CREM: variants seen among roughly 807,000 people sequenced by gnomAD.
CREM encodes the protein cAMP responsive element modulator.
In CREM, 13 loss-of-function variants were observed where a neutral mutation model predicts 37.3. The ratio of observed to expected loss-of-function variants is 0.35; its 90% CI spans 0.23 to 0.55. The LOEUF is 0.55. Among genes scored for constraint, CREM ranks in the 20% least tolerant of loss-of-function variants. CREM has a pLI of 0.88. For missense variants in CREM, 296 were observed against 362.3 expected (o/e 0.82, Z 1.49); for synonymous variants, 124 against 120.2 (o/e 1.03, Z -0.21).
chr10:35,140,357 G>C (rs2091253608), intron 2 of CREM, among the ~76,000 whole-genome samples: 1 of 152,092 alleles, frequency 6.6e-6, no homozygotes, highest in Admixed American at 6.6e-5. Flanking sequence ...AATTCGCAGG[G>C]CACTGGCTGT....
chr10:35,182,127 ATAC>A (rs1317103491), intron 5 of CREM, among the ~76,000 whole-genome samples: 1 of 152,234 alleles, frequency 6.6e-6, no homozygotes, highest in Non-Finnish European at 1.5e-5. Context: ...TGAGAAGTGA[ATAC>A]TAACAACATT....
chr10:35,147,883 A>G (rs1170526088), intron 2 of CREM, among the ~76,000 whole-genome samples: 3 of 152,246 alleles, frequency 2.0e-5, no homozygotes, highest in Non-Finnish European at 4.4e-5. Flanking sequence ...TTAGGACTCT[A>G]CTATTGAACC....
intron 7 of CREM, among the ~76,000 whole-genome samples, 194 bp from the exon 8 acceptor site, chr10:35,211,060 G>A (rs1286428771): frequency 6.6e-6 from 1 of 152,190 alleles, no homozygotes; most frequent in Admixed American, 6.5e-5. Flanking sequence ...GGCGAACTGT[G>A]TTCTCAAATC....
At chr10:35,147,082 G>A (rs1564813547) in intron 2 of CREM, among the ~76,000 whole-genome samples, 3 of 126,948 alleles carry the variant, frequency 2.4e-5, no homozygotes, top group Admixed American at 2.0e-4. Flanking sequence ...ACGGAGTCTC[G>A]CTCTGTCGCC....
chr10:35,137,825 ATATCT>A lies in CREM; in HGVS notation c.-8_-4del, dbSNP rs984979380. On this transcript the variant is annotated 5_prime_UTR_variant, in exon 2 of 8. Transcript: ENST00000685392. The stretch of plus-strand genomic sequence containing the variant: ...GAAAGGAGGAAAGCATTGATTACAA[ATATCT>A]TAACAATGAGCAAATGTGCAAGGAA... 1.3e-6 allele frequency: 2 copies of A among 1,560,458 alleles called. No individual in the cohort carries two copies. The highest frequency in any genetic ancestry group is 8.7e-7 in the Non-Finnish European group (1 of 1,146,598).
intron 1 of CREM, among the ~76,000 whole-genome samples, chr10:35,134,835 C>T (rs1415640397): frequency 1.3e-5 from 2 of 151,846 alleles, no homozygotes; most frequent in Non-Finnish European, 2.9e-5. Context: ...GTCAGGGGTT[C>T]GAGACCAGCC....
At chr10:35,130,384 G>C (rs1345935296) in intron 1 of CREM, among the ~76,000 whole-genome samples, 1 of 152,130 alleles carries the variant, frequency 6.6e-6, no homozygotes, top group East Asian at 1.9e-4. Flanking sequence ...TTTACTCATA[G>C]GTTTTCATTT....
chr10:35,156,004 A>G (rs753066471), intron 3 of CREM, among the ~76,000 whole-genome samples: 24 of 148,848 alleles, frequency 1.6e-4, no homozygotes, highest in Non-Finnish European at 2.8e-4. Flanking sequence ...CAGTGGCGCG[A>G]TCTCGGCTCA....
intron 6 of CREM, among the ~76,000 whole-genome samples, chr10:35,193,200 G>A (rs2094995045): frequency 6.6e-6 from 1 of 152,172 alleles, no homozygotes; most frequent in Non-Finnish European, 1.5e-5. Flanking sequence ...CCTGGCATGT[G>A]ATAAATGTTC....
At chr10:35,154,080 C>T (rs2092752239) in intron 3 of CREM, 1 of 398,472 alleles carries the variant, frequency 2.5e-6, no homozygotes, top group Non-Finnish European at 4.4e-6. Context: ...TGTAAGGAGT[C>T]CCTCGGAATA....
intron 6 of CREM, among the ~76,000 whole-genome samples, chr10:35,188,788 G>A (rs1477047563): frequency 1.3e-5 from 2 of 151,858 alleles, no homozygotes; most frequent in Non-Finnish European, 2.9e-5. Flanking sequence ...TTCCCGGGGA[G>A]CTGGGATTAC....
intron 6 of CREM, among the ~76,000 whole-genome samples, chr10:35,200,938 A>G (rs995143130): frequency 1.3e-5 from 2 of 152,126 alleles, no homozygotes; most frequent in African/African-American, 4.8e-5. Context: ...GAAGTTACCA[A>G]CATAGGTACT....
At position 35,163,333 on chromosome 10, in the gene CREM, CTT is replaced by C. The variant is rs541585028; in HGVS notation, c.168+14845_168+14846del. ...GCCTTTGTAAGTTGGTCTCCCCTGT[CTT>C]TTGTTCCTAGAGCTTTCTCATTTTC... On this transcript the variant is annotated intron_variant, in intron 3 of 7. Coordinates refer to ENST00000685392, the MANE Select transcript of CREM (RefSeq NM_183011.2). Among the ~76,000 whole-genome samples, 385 of 152,258 alleles carry C rather than the reference CTT, an allele frequency of 2.5e-3. 3 individuals are homozygous for C. Among genetic ancestry groups the C allele is most frequent in the African/African-American group, 9.0e-3 (373 of 41,540 alleles).
chr10:35,164,590 A>T (rs2093446666), intron 3 of CREM, among the ~76,000 whole-genome samples: 1 of 152,252 alleles, frequency 6.6e-6, no homozygotes, highest in Non-Finnish European at 1.5e-5. Context: ...ATAATCTGTA[A>T]CTATTTCAGA....
At position 35,185,688 on chromosome 10, in the gene CREM, CCT is replaced by C. The variant is rs750488065; in HGVS notation, c.410-2511_410-2510del. Among the ~76,000 whole-genome samples the C allele has an allele frequency of 1.5e-4, 23 of 152,174 alleles. No homozygotes were observed. The Middle Eastern group carries it at 0.01, about 68-fold the overall frequency. ...TTGGAAAGCCATGGTTTAAAAATAC[CCT>C]GTTTTTAAAGTGTGTACAGAAAATA... On this transcript the variant is annotated intron_variant, in intron 5 of 7. Transcript: ENST00000685392.
intron 2 of CREM, among the ~76,000 whole-genome samples, chr10:35,145,662 C>G (rs1196740959): frequency 3.3e-5 from 5 of 151,356 alleles, no homozygotes; most frequent in Admixed American, 3.3e-4. Flanking sequence ...GTCAGTAATC[C>G]CAGCTACGTG....
At chr10:35,197,155 T>G (rs2095220083) in intron 6 of CREM, among the ~76,000 whole-genome samples, 1 of 152,088 alleles carries the variant, frequency 6.6e-6, no homozygotes, top group Non-Finnish European at 1.5e-5. Context: ...AAACAAACAT[T>G]TTTGACATTT....
intron 6 of CREM, among the ~76,000 whole-genome samples, chr10:35,191,043 T>C (rs1202702935): frequency 1.3e-5 from 2 of 149,364 alleles, no homozygotes; most frequent in Non-Finnish European, 3.0e-5. Flanking sequence ...GTCTTGTTTA[T>C]TCAGATCTCA....
chr10:35,168,791 G>T (rs539563195), intron 3 of CREM, among the ~76,000 whole-genome samples: 9 of 152,302 alleles, frequency 5.9e-5, no homozygotes, highest in Admixed American at 5.2e-4. Context: ...GTAAGGAAGA[G>T]ATCTGGTTTC....
Sources: allele counts gnomAD v4.1 joint callset (sites outside exome capture counted in the v4.1 genomes callset), GRCh38; gene constraint gnomAD v4.1.1; transcripts MANE v1.5; gene names NCBI Gene and HGNC (gene_info 2026-07-23, HGNC 2026-07-21).